The following GRM8 variants were observed in gnomAD, a reference collection of about 807,000 sequenced individuals.
GRM8 encodes metabotropic glutamate receptor 8.
In GRM8, 47 loss-of-function variants were observed where a neutral mutation model predicts 87.2. The observed-to-expected ratio is 0.54, with a 90% CI of 0.43 to 0.69. The LOEUF is 0.69. Ranked by LOEUF, GRM8 falls within the 30% of genes least tolerant of loss-of-function variation. The pLI is 0.00. For synonymous variants in GRM8, 396 were observed against 404.5 expected (o/e 0.98, Z 0.25); for missense variants, 1,019 against 1,139.2 (o/e 0.89, Z 1.52).
At chr7:126,867,471 T>A (rs557668545) in intron 6 of GRM8, among the ~76,000 whole-genome samples, 66 of 152,304 alleles carry the variant, frequency 4.3e-4, no homozygotes, top group Non-Finnish European at 2.4e-4. Context: ...TTCTGGAAAT[T>A]GATGTCAATA....
chr7:126,684,997 T>C (rs1272369730), intron 7 of GRM8, among the ~76,000 whole-genome samples: 1 of 152,138 alleles, frequency 6.6e-6, no homozygotes, highest in Non-Finnish European at 1.5e-5. Context: ...GCACAAGTGG[T>C]AGCAGCAGGA....
chr7:126,724,281 A>C (rs1049834278), intron 7 of GRM8, among the ~76,000 whole-genome samples: 3 of 152,162 alleles, frequency 2.0e-5, no homozygotes, highest in African/African-American at 7.2e-5. Context: ...AGTTCTGCCA[A>C]TAAAATGCAA....
intron 2 of GRM8, among the ~76,000 whole-genome samples, chr7:127,157,845 T>C (rs1792835342): frequency 6.6e-6 from 1 of 151,960 alleles, no homozygotes; most frequent in South Asian, 2.1e-4. Flanking sequence ...ACACATTATG[T>C]AAAACAATTA....
At chr7:126,451,941 T>C (rs1441030570) in intron 9 of GRM8, among the ~76,000 whole-genome samples, 1 of 151,768 alleles carries the variant, frequency 6.6e-6, no homozygotes, top group Admixed American at 6.6e-5. Flanking sequence ...CTATATATTT[T>C]ACTCATTTAA....
intron 8 of GRM8, among the ~76,000 whole-genome samples, chr7:126,590,748 C>G (rs1460287887): frequency 2.0e-5 from 3 of 152,002 alleles, no homozygotes; most frequent in African/African-American, 7.2e-5. Flanking sequence ...AATTATCAGC[C>G]AATAATTTTG....
chr7:126,558,719 T>A (rs1434022968), intron 8 of GRM8, among the ~76,000 whole-genome samples: 1 of 152,182 alleles, frequency 6.6e-6, no homozygotes, highest in African/African-American at 2.4e-5. Flanking sequence ...CCATTCCTTT[T>A]TTTTCTGAAT....
intron 7 of GRM8, among the ~76,000 whole-genome samples, chr7:126,645,429 A>C (rs185128660): frequency 1.1e-4 from 16 of 152,246 alleles, no homozygotes; most frequent in Admixed American, 1.0e-3. Flanking sequence ...GCTGTTTTCC[A>C]CACCCCTATG....
rs1162183107 is a variant in GRM8 at position 126,533,546 on chromosome 7, A to G, written c.1836T>C (p.Pro612=). The change falls in exon 9 of 11, where the codon CCT becomes CCC. Residue 612 remains proline (P), a synonymous_variant. Coordinates refer to ENST00000339582, the MANE Select transcript of GRM8 (RefSeq NM_000845.3). ...GTTCGCGTCCTGAAGCCCTCACGAT[A>G]GGTGTGTCATTATAGCGGACAAAGG... is the stretch of plus-strand genomic sequence containing the variant. ...IVTFVRYNDT[P]IVRASGRELS... is the part of the protein sequence containing the mutation. The G allele has an allele frequency of 6.2e-7, 1 of 1,614,060 alleles. No homozygotes were observed. The highest frequency in any genetic ancestry group is 2.2e-5 in the East Asian group (1 of 44,850).
chr7:126,937,042 G>T (rs986481763), intron 3 of GRM8, among the ~76,000 whole-genome samples: 1 of 152,264 alleles, frequency 6.6e-6, no homozygotes. Flanking sequence ...TTGACAGCTG[G>T]AAAGCTGAGG....
chr7:127,225,775 C>T (rs142083395), intron 2 of GRM8, among the ~76,000 whole-genome samples: 204 of 151,284 alleles, frequency 1.3e-3, no homozygotes, highest in African/African-American at 4.7e-3. Flanking sequence ...TTCCAGAGAA[C>T]CTCCCTTTAA....
chr7:126,544,455 A>T (rs2150905477), intron 8 of GRM8, among the ~76,000 whole-genome samples: 1 of 152,154 alleles, frequency 6.6e-6, no homozygotes, highest in South Asian at 2.1e-4. Context: ...CTGACCGCAT[A>T]CCTCACAAGG....
intron 6 of GRM8, among the ~76,000 whole-genome samples, chr7:126,894,825 T>C (rs750842545): frequency 2.7e-4 from 41 of 152,056 alleles, no homozygotes; most frequent in Non-Finnish European, 5.4e-4. Flanking sequence ...GTTAGGTAGC[T>C]ACAGGGCTTT....
intron 9 of GRM8, among the ~76,000 whole-genome samples, chr7:126,461,727 C>T (rs1267913444): frequency 6.6e-6 from 1 of 151,586 alleles, no homozygotes; most frequent in East Asian, 1.9e-4. Flanking sequence ...CCAAATGATG[C>T]TGTTATTTCG....
chr7:126,457,810 T>C (rs1332504752), intron 9 of GRM8, among the ~76,000 whole-genome samples: 2 of 148,710 alleles, frequency 1.3e-5, no homozygotes, highest in Non-Finnish European at 3.0e-5. Context: ...GTCAATAAAA[T>C]AGAACACAAA....
intron 7 of GRM8, among the ~76,000 whole-genome samples, chr7:126,671,762 C>G (rs892790361): frequency 1.3e-5 from 2 of 152,146 alleles, no homozygotes; most frequent in African/African-American, 4.8e-5. Context: ...GTAAGACCAA[C>G]GTAGCTAACC....
At chr7:126,956,910 T>C (rs1808745597) in intron 3 of GRM8, among the ~76,000 whole-genome samples, 1 of 152,228 alleles carries the variant, frequency 6.6e-6, no homozygotes, top group Non-Finnish European at 1.5e-5. Flanking sequence ...ACTATTACCA[T>C]GAATTAGTTA....
chr7:126,654,551 G>A (rs1170065423), intron 7 of GRM8, among the ~76,000 whole-genome samples: 1 of 152,166 alleles, frequency 6.6e-6, no homozygotes, highest in Non-Finnish European at 1.5e-5. Context: ...CAGTATTTAT[G>A]TGGACTTGAA....
chr7:127,034,287 T>C (rs1218595713), intron 3 of GRM8, among the ~76,000 whole-genome samples: 3 of 152,206 alleles, frequency 2.0e-5, no homozygotes, highest in African/African-American at 7.2e-5. Flanking sequence ...CTATTCCCTA[T>C]TGTGTCACAG....
chr7:127,251,151 G>A (rs1798841400), intron 1 of GRM8: 1 of 152,124 alleles, frequency 6.6e-6, no homozygotes, highest in Non-Finnish European at 1.5e-5. Context: ...ACCGGCGAGG[G>A]GGTCTGTTTT....
Sources: gnomAD v4.1 joint callset for allele counts (sites outside exome capture counted in the v4.1 genomes callset) on GRCh38, gnomAD v4.1.1 for gene constraint, MANE v1.5 for transcripts, NCBI Gene and HGNC (gene_info 2026-07-23, HGNC 2026-07-21) for gene names.